NRG1: variants seen among roughly 807,000 people sequenced by gnomAD.
The protein encoded by NRG1 is neuregulin 1.
NRG1 carries 18 observed loss-of-function variants against 63.8 expected under a neutral mutation model. The ratio of observed to expected loss-of-function variants is 0.28; its 90% CI spans 0.19 to 0.42. The LOEUF (loss-of-function observed/expected upper bound fraction) is 0.42, where lower values mean the gene tolerates loss of function less well. Ranked by LOEUF, NRG1 falls within the 10% of genes least tolerant of loss-of-function variation. The probability of loss-of-function intolerance (pLI) is 1.00; values close to 1 mark genes in which losing one functional copy is unlikely to be tolerated. For missense variants in NRG1, 762 were observed against 814.7 expected (o/e 0.94, Z 0.79); for synonymous variants, 302 against 301.3 (o/e 1.00, Z -0.02).
rs748763782 is a variant in NRG1, at chr8:32,748,358, C to CACACAGAGAGAGAGAGAG, written c.691+5626_691+5627insCACAGAGAGAGAGAGAGA. The stretch of plus-strand genomic sequence containing the variant: ...GCGCGCGCACACACACACACACACA[C>CACACAGAGAGAGAGAGAG]AGAGAGAGAGAGAGAGAGAGAGAGA... On this transcript the variant is annotated intron_variant, in intron 7 of 11. Coordinates refer to ENST00000356819, the Ensembl canonical transcript of NRG1. Among the ~76,000 whole-genome samples, 623 of 121,952 alleles carry CACACAGAGAGAGAGAGAG rather than the reference C, an allele frequency of 5.1e-3. 4 individuals are homozygous for CACACAGAGAGAGAGAGAG. Among genetic ancestry groups the CACACAGAGAGAGAGAGAG allele is most frequent in the Middle Eastern group, 9.4e-3 (2 of 212 alleles). The allele number at this position is 121,952 out of a possible 152,430, so 80.0% of individuals were successfully genotyped here.
At chr8:32,179,081 G>C (rs1358643024) in intron 1 of NRG1, among the ~76,000 whole-genome samples, 1 of 151,326 alleles carries the variant, frequency 6.6e-6, no homozygotes, top group East Asian at 1.9e-4. Flanking sequence ...AAAAGCAAGG[G>C]TGTAGGATCA....
chr8:32,165,081 C>G (rs1839257995), intron 1 of NRG1, among the ~76,000 whole-genome samples: 1 of 151,830 alleles, frequency 6.6e-6, no homozygotes, highest in Non-Finnish European at 1.5e-5. Flanking sequence ...AATTGCACAG[C>G]ATATTTAGTG....
chr8:32,672,454 G>C (rs1805940259), intron 5 of NRG1, among the ~76,000 whole-genome samples: 1 of 152,074 alleles, frequency 6.6e-6, no homozygotes, highest in Non-Finnish European at 1.5e-5. Flanking sequence ...ATGAAAAATA[G>C]TGGCACCTCT....
At chr8:32,722,030 G>A in intron 5 of NRG1, 2 of 1,548,176 alleles carry the variant, frequency 1.3e-6, no homozygotes, top group South Asian at 2.4e-5. Context: ...CATAAGCATT[G>A]AAGATATTAC....
At chr8:31,747,234 G>A (rs1321347772) in intron 1 of NRG1, among the ~76,000 whole-genome samples, 1 of 151,924 alleles carries the variant, frequency 6.6e-6, no homozygotes, top group Non-Finnish European at 1.5e-5. Flanking sequence ...TCTCCATGAT[G>A]TGATTATTTC....
At chr8:31,818,171 A>AGTATGAGTCAGTATGATTCATC (rs1222648644) in intron 1 of NRG1, among the ~76,000 whole-genome samples, 1 of 152,214 alleles carries the variant, frequency 6.6e-6, no homozygotes, top group Non-Finnish European at 1.5e-5. Flanking sequence ...TCATGACATC[A>AGTATGAGTCAGTATGATTCATC]AGGAAGGTGA....
At chr8:32,352,895 A>T (rs910101786) in intron 1 of NRG1, among the ~76,000 whole-genome samples, 6 of 120,898 alleles carry the variant, frequency 5.0e-5, no homozygotes, top group African/African-American at 1.7e-4. Flanking sequence ...TAAAATATAT[A>T]TATACATATA....
intron 1 of NRG1, among the ~76,000 whole-genome samples, chr8:31,907,185 A>G (rs920645042): frequency 2.0e-5 from 3 of 151,484 alleles, no homozygotes; most frequent in Non-Finnish European, 2.9e-5. Context: ...ACATCCTCCA[A>G]CGTAAATGAC....
chr8:31,868,988 T>A (rs1203625144), intron 1 of NRG1, among the ~76,000 whole-genome samples: 1 of 152,222 alleles, frequency 6.6e-6, no homozygotes, highest in Non-Finnish European at 1.5e-5. Context: ...GAAACTTCTG[T>A]AAAGTTAGCT....
At chr8:32,600,418 C>T (rs1436448576) in intron 2 of NRG1, among the ~76,000 whole-genome samples, 1 of 151,914 alleles carries the variant, frequency 6.6e-6, no homozygotes, top group Non-Finnish European at 1.5e-5. Flanking sequence ...AAGAGTTCTT[C>T]CCTATATGTG....
intron 1 of NRG1, among the ~76,000 whole-genome samples, chr8:32,386,291 C>T (rs1811014759): frequency 2.0e-5 from 3 of 152,198 alleles, no homozygotes; most frequent in African/African-American, 7.2e-5. Context: ...TATAAGAAAG[C>T]TGTCTCTCTA....
intron 1 of NRG1, among the ~76,000 whole-genome samples, chr8:31,762,400 A>G (rs927990571): frequency 1.3e-5 from 2 of 152,204 alleles, no homozygotes; most frequent in Admixed American, 6.5e-5. Context: ...GCTGCAAAGT[A>G]TTCCATGGTG....
intron 1 of NRG1, among the ~76,000 whole-genome samples, chr8:32,485,917 A>C (rs575998993): frequency 2.6e-5 from 4 of 152,020 alleles, no homozygotes; most frequent in South Asian, 2.1e-4. Flanking sequence ...ATTTGCACTT[A>C]TTTCTTTCTT....
chr8:32,061,338 A>G (rs1823821538), intron 1 of NRG1, among the ~76,000 whole-genome samples: 1 of 151,960 alleles, frequency 6.6e-6, no homozygotes, highest in African/African-American at 2.4e-5. Context: ...CTTATCCCTG[A>G]GTGTGTAATA....
chr8:32,106,212 T>C (rs1831237462), intron 1 of NRG1, among the ~76,000 whole-genome samples: 1 of 152,208 alleles, frequency 6.6e-6, no homozygotes. Flanking sequence ...CACAATTTGT[T>C]CTTTGAATGT....
At chr8:32,211,163 A>G (rs1354339126) in intron 1 of NRG1, among the ~76,000 whole-genome samples, 2 of 152,194 alleles carry the variant, frequency 1.3e-5, no homozygotes, top group Non-Finnish European at 2.9e-5. Context: ...AAAATAAGCA[A>G]AGATAAAGGG....
intron 1 of NRG1, among the ~76,000 whole-genome samples, chr8:31,777,507 C>T (rs190855010): frequency 6.6e-6 from 1 of 152,230 alleles, no homozygotes; most frequent in Non-Finnish European, 1.5e-5. Context: ...AGAGGGGGAG[C>T]TGGCACTAGC....
intron 1 of NRG1, among the ~76,000 whole-genome samples, chr8:31,902,362 G>A (rs570318276): frequency 6.6e-6 from 1 of 152,082 alleles, no homozygotes; most frequent in East Asian, 1.9e-4. Context: ...TAATAAGGTT[G>A]GATTTATTAA....
chr8:31,823,366 G>A (rs1824196830), intron 1 of NRG1, among the ~76,000 whole-genome samples: 1 of 151,908 alleles, frequency 6.6e-6, no homozygotes, highest in Non-Finnish European at 1.5e-5. Context: ...TCCCACTCAA[G>A]TCATTATAAA....
Sources: gnomAD v4.1 joint callset for allele counts (sites outside exome capture counted in the v4.1 genomes callset) on GRCh38, gnomAD v4.1.1 for gene constraint, MANE v1.5 for transcripts, NCBI Gene and HGNC (gene_info 2026-07-23, HGNC 2026-07-21) for gene names.